Variants in LDLRAD4 observed in about 807,000 individuals in gnomAD.
LDLRAD4 encodes low density lipoprotein receptor class A domain containing 4.
LDLRAD4 carries 5 observed loss-of-function variants against 17.0 expected under a neutral mutation model. That is an observed-to-expected ratio of 0.29 (90% CI 0.15 to 0.62). The LOEUF (loss-of-function observed/expected upper bound fraction) is 0.62. Ranked by LOEUF, LDLRAD4 falls within the 20% of genes least tolerant of loss-of-function variation. The pLI, the probability that LDLRAD4 is intolerant of heterozygous loss-of-function variation, is 0.84. For missense variants in LDLRAD4, 340 were observed against 424.7 expected (o/e 0.80, Z 1.75); for synonymous variants, 168 against 171.8 (o/e 0.98, Z 0.17).
chr18:13,307,313 G>T (rs1234658779), intron 1 of LDLRAD4, among the ~76,000 whole-genome samples: 1 of 151,970 alleles, frequency 6.6e-6, no homozygotes, highest in South Asian at 2.1e-4. Context: ...TCCCCTCAGC[G>T]TACTCAATGT....
At chr18:13,602,231 A>G (rs913853139) in intron 3 of LDLRAD4, among the ~76,000 whole-genome samples, 1 of 152,206 alleles carries the variant, frequency 6.6e-6, no homozygotes, top group Non-Finnish European at 1.5e-5. Flanking sequence ...TCTTGGAGAC[A>G]AGATCAATAG....
intron 1 of LDLRAD4, among the ~76,000 whole-genome samples, chr18:13,247,534 C>T (rs771330293): frequency 4.6e-4 from 70 of 152,054 alleles, no homozygotes; most frequent in Non-Finnish European, 7.1e-4. Context: ...CTTTTTATTA[C>T]GGTAAAAATT....
intron 3 of LDLRAD4, among the ~76,000 whole-genome samples, chr18:13,548,814 C>T (rs1348666491): frequency 1.3e-5 from 2 of 152,260 alleles, no homozygotes; most frequent in Admixed American, 1.3e-4. Flanking sequence ...CACACGGCCC[C>T]ACCCATGCCT....
intron 3 of LDLRAD4, among the ~76,000 whole-genome samples, chr18:13,563,769 C>T (rs1001000615): frequency 7.2e-5 from 11 of 152,192 alleles, no homozygotes; most frequent in East Asian, 1.9e-4. Flanking sequence ...GCCACAAGAC[C>T]GACCCCTGTT....
chr18:13,588,965 G>A (rs1240100735), intron 3 of LDLRAD4, among the ~76,000 whole-genome samples: 5 of 133,310 alleles, frequency 3.8e-5, no homozygotes, highest in Non-Finnish European at 7.7e-5. Flanking sequence ...GTCTCGCTCT[G>A]TCGCCCAGGC....
Position 13,623,249 on chromosome 18 carries a change from G to A in LDLRAD4, c.336+1978G>A, listed in dbSNP as rs78159225. ...CAGAGCCTCCCTTCCCTGAAATCAG[G>A]AAGGTGACAGAGCGATGTTCAGAGG... is the stretch of plus-strand genomic sequence containing the variant. On this transcript the variant is annotated intron_variant, in intron 4 of 5. Coordinates refer to ENST00000359446, the Ensembl canonical transcript of LDLRAD4. Among the ~76,000 whole-genome samples the A allele has an allele frequency of 3.3e-4, 50 of 152,356 alleles. 3 individuals carry two copies. The East Asian group carries it at 9.1e-3, about 28-fold the overall frequency.
chr18:13,435,237 A>G (rs2090575185), intron 2 of LDLRAD4, among the ~76,000 whole-genome samples: 1 of 152,220 alleles, frequency 6.6e-6, no homozygotes, highest in Admixed American at 6.6e-5. Context: ...TGTGCTCTGC[A>G]GTTCTCATTC....
chr18:13,302,865 CGTGCAGTTATGTTACATGCA>C (rs1567984885), intron 1 of LDLRAD4, among the ~76,000 whole-genome samples: 5 of 152,068 alleles, frequency 3.3e-5, no homozygotes, highest in Admixed American at 6.5e-5. Context: ...AGTTATGTTA[CGTGCAGTTATGTTACATGCA>C]GTGCAGTTAT....
At chr18:13,346,906 C>G (rs1181186127) in intron 1 of LDLRAD4, among the ~76,000 whole-genome samples, 10 of 149,910 alleles carry the variant, frequency 6.7e-5, no homozygotes, top group Non-Finnish European at 1.4e-4. Flanking sequence ...CAACTCCTGT[C>G]TGTTTTCCAT....
chr18:13,303,692 A>T (rs2146610274), intron 1 of LDLRAD4, among the ~76,000 whole-genome samples: 1 of 152,252 alleles, frequency 6.6e-6, no homozygotes, highest in South Asian at 2.1e-4. Context: ...AAATCTTTTA[A>T]ATGAATCCCC....
intron 1 of LDLRAD4, among the ~76,000 whole-genome samples, chr18:13,312,338 C>G (rs1459749695): frequency 6.6e-6 from 1 of 152,164 alleles, no homozygotes; most frequent in Non-Finnish European, 1.5e-5. Context: ...TATGTACATG[C>G]AGATATTCCA....
intron 4 of LDLRAD4, among the ~76,000 whole-genome samples, chr18:13,631,363 A>G (rs2148892186): frequency 6.6e-6 from 1 of 152,330 alleles, no homozygotes; most frequent in African/African-American, 2.4e-5. Flanking sequence ...GATTGAACCA[A>G]TGGTCTAAAA....
intron 3 of LDLRAD4, among the ~76,000 whole-genome samples, chr18:13,456,770 G>C (rs894690174): frequency 5.3e-5 from 8 of 152,178 alleles, no homozygotes; most frequent in African/African-American, 1.9e-4. Context: ...ATGAACCAAT[G>C]TATGCTATCA....
Position 13,565,509 on chromosome 18 carries a change from G to A in LDLRAD4, c.182-55608G>A, listed in dbSNP as rs576029018. Among the ~76,000 whole-genome samples, 12 of 152,372 alleles carry A rather than the reference G, an allele frequency of 7.9e-5. No homozygotes were observed. In the South Asian group the frequency reaches 2.3e-3, roughly 29 times the overall value. On this transcript the variant is annotated intron_variant, in intron 3 of 5. Coordinates refer to ENST00000359446, the Ensembl canonical transcript of LDLRAD4. ...GCGGGGATAACAGCCCCTTGTCATC[G>A]CAGGGTTGTGACATTGGCATGAGCC...
At chr18:13,361,986 G>A (rs1172399902) in intron 1 of LDLRAD4, among the ~76,000 whole-genome samples, 2 of 151,846 alleles carry the variant, frequency 1.3e-5, no homozygotes, top group South Asian at 2.1e-4. Context: ...TAATAGGAGC[G>A]TACTTGACAT....
At chr18:13,468,995 T>C (rs1012085062) in intron 3 of LDLRAD4, among the ~76,000 whole-genome samples, 19 of 150,082 alleles carry the variant, frequency 1.3e-4, no homozygotes, top group African/African-American at 4.8e-4. Flanking sequence ...AAACTTAAAG[T>C]ATAATAATAA....
intron 3 of LDLRAD4, among the ~76,000 whole-genome samples, chr18:13,570,106 G>A (rs2094666314): frequency 6.6e-6 from 1 of 151,928 alleles, no homozygotes. Context: ...GCCTTTGAAG[G>A]ACATTTTTGA....
intron 1 of LDLRAD4, among the ~76,000 whole-genome samples, chr18:13,235,323 G>C (rs1428084820): frequency 1.3e-5 from 2 of 152,070 alleles, no homozygotes; most frequent in Non-Finnish European, 2.9e-5. Flanking sequence ...CTCTTTAGAC[G>C]AGATGTCTCT....
At chr18:13,538,494 A>T (rs764710709) in intron 3 of LDLRAD4, among the ~76,000 whole-genome samples, 8 of 151,696 alleles carry the variant, frequency 5.3e-5, no homozygotes, top group Non-Finnish European at 8.8e-5. Flanking sequence ...TATTTCTTGG[A>T]TGTGAAGAGT....
Sources: allele counts gnomAD v4.1 joint callset (sites outside exome capture counted in the v4.1 genomes callset), GRCh38; gene constraint gnomAD v4.1.1; transcripts MANE v1.5; gene names NCBI Gene and HGNC (gene_info 2026-07-23, HGNC 2026-07-21).